Variants in CPEB2 observed in about 807,000 individuals in gnomAD.
CPEB2 encodes cytoplasmic polyadenylation element binding protein 2.
CPEB2 carries 56 observed loss-of-function variants against 93.6 expected under a neutral mutation model. The ratio of observed to expected loss-of-function variants is 0.60; its 90% CI spans 0.48 to 0.75. The LOEUF (loss-of-function observed/expected upper bound fraction) is 0.75, where lower values mean the gene tolerates loss of function less well. Ranked by LOEUF, CPEB2 falls within the 30% of genes least tolerant of loss-of-function variation. The pLI is 0.00. For synonymous variants in CPEB2, 764 were observed against 586.3 expected (o/e 1.30, Z -4.38); for missense variants, 1,579 against 1,395.1 (o/e 1.13, Z -2.10).
intron 4 of CPEB2, among the ~76,000 whole-genome samples, chr4:15,023,170 T>C (rs1724990124): frequency 6.6e-6 from 1 of 152,070 alleles, no homozygotes; most frequent in Non-Finnish European, 1.5e-5. Context: ...ACATCTTTCA[T>C]ATGATTTGAA....
intron 3 of CPEB2, among the ~76,000 whole-genome samples, chr4:15,011,620 G>A (rs932231876): frequency 1.3e-5 from 2 of 152,044 alleles, no homozygotes; most frequent in African/African-American, 4.8e-5. Flanking sequence ...AACATAACAA[G>A]ACACCACCCC....
chr4:15,024,372 C>T (rs966230312), intron 4 of CPEB2, among the ~76,000 whole-genome samples: 13 of 152,004 alleles, frequency 8.6e-5, no homozygotes, highest in Non-Finnish European at 1.8e-4. Context: ...AATGTTTCTA[C>T]CTATATAATA....
chr4:15,003,985 A>T lies in CPEB2; in HGVS notation c.1312A>T (p.Met438Leu). ...GGGSGGSLSA[M>L]PPPSPDSENG... ...CGGCAGCGGCGGCTCGCTCAGCGCC[A>T]TGCCGCCGCCCAGCCCCGACTCAGA... Residue 438 changes from methionine (M) to leucine (L), a missense_variant, in exon 1 of 12, where the codon ATG becomes TTG. By Grantham distance (15) the Met-to-Leu change is conservative. Coordinates refer to ENST00000538197, the MANE Select transcript of CPEB2 (RefSeq NM_001177382.2). 1 of 1,474,270 alleles carries T rather than the reference A, an allele frequency of 6.8e-7. No homozygotes were observed. Among genetic ancestry groups the T allele is most frequent in the Non-Finnish European group, 9.0e-7 (1 of 1,111,066 alleles). The allele number at this position is 1,474,270 out of a possible 1,614,324, so 91.3% of individuals were successfully genotyped here.
At chr4:15,052,666 A>G (rs1728341085) in intron 7 of CPEB2, 82 bp downstream of exon 7, 6 of 916,194 alleles carry the variant, frequency 6.5e-6, no homozygotes, top group South Asian at 6.9e-5. Context: ...TGAATGGACT[A>G]TGAAAGTTTT....
intron 4 of CPEB2, among the ~76,000 whole-genome samples, chr4:15,018,937 TA>T (rs1724492884): frequency 3.8e-4 from 4 of 10,476 alleles, no homozygotes; most frequent in East Asian, 0.062. Context: ...AGGGGAATTT[TA>T]TATATATATA....
intron 5 of CPEB2, 59 bp downstream of exon 5, chr4:15,033,270 C>T (rs1014292319): frequency 2.8e-6 from 3 of 1,086,530 alleles, no homozygotes; most frequent in East Asian, 2.4e-5. Flanking sequence ...TGATTTAATA[C>T]ATGTTTCTCT....
intron 5 of CPEB2, among the ~76,000 whole-genome samples, 164 bp downstream of exon 5, chr4:15,033,375 T>C (rs1395425316): frequency 6.6e-6 from 1 of 152,214 alleles, no homozygotes; most frequent in Non-Finnish European, 1.5e-5. Flanking sequence ...AATCTGAGTG[T>C]GTTCGGGCTG....
rs370519953 is a variant in CPEB2 at position 15,066,140 on chromosome 4, C to A, written c.2878-13C>A. ...GCAGACCCTAATGAGACTTAACTTT[C>A]TTTTTTTTCAAGGTGGAGGTAAAGC... is the stretch of plus-strand genomic sequence containing the variant. On this transcript the variant is annotated splice_polypyrimidine_tract_variant and intron_variant, in intron 11 of 11. Transcript: ENST00000538197. The A allele has an allele frequency of 5.2e-5, 84 of 1,602,940 alleles. No homozygotes were observed. The East Asian group carries it at 9.4e-4, about 18-fold the overall frequency.
In CPEB2 at chr4:15,052,592, TTAAGA is replaced by T. The variant is rs777792601; in HGVS notation, c.2371+11_2371+15del. On this transcript the variant is annotated intron_variant, in intron 7 of 11. Coordinates refer to ENST00000538197, the MANE Select transcript of CPEB2 (RefSeq NM_001177382.2). ...CTCCAGATATTGATGAAGGTATTTA[TTAAGA>T]TATTTATTAACATGGTGATTTGGGC... The T allele has an allele frequency of 2.7e-6, 4 of 1,479,758 alleles. No individual in the cohort carries two copies. The highest frequency in any genetic ancestry group is 1.8e-4 in the Middle Eastern group (1 of 5,538). 91.7% of individuals were successfully genotyped at this position (1,479,758 alleles called of 1,614,324 possible).
At position 15,013,581 on chromosome 4, in the gene CPEB2, G is replaced by A. The variant is rs1723759016; in HGVS notation, c.2035-3607G>A. On this transcript the variant is annotated intron_variant, in intron 3 of 11. Transcript: ENST00000538197. ...CTGTATTTCAGAAGAATGCATGAGTGTTTGTTTTATAACCAGATTTGTTTC... is the reference window on the plus strand; with the variant it reads ...CTGTATTTCAGAAGAATGCATGAGTATTTGTTTTATAACCAGATTTGTTTC... Among the ~76,000 whole-genome samples the A allele has an allele frequency of 2.6e-5, 4 of 152,064 alleles. No homozygotes were observed. The South Asian group carries it at 8.3e-4, about 31-fold the overall frequency.
chr4:15,027,097 A>G (rs1725563667), intron 4 of CPEB2, among the ~76,000 whole-genome samples: 1 of 152,168 alleles, frequency 6.6e-6, no homozygotes, highest in South Asian at 2.1e-4. Context: ...ATATGATAAT[A>G]TATTATCTTA....
chr4:15,016,077 A>C (rs184800145), intron 3 of CPEB2, among the ~76,000 whole-genome samples: 39 of 152,148 alleles, frequency 2.6e-4, no homozygotes, highest in Non-Finnish European at 4.0e-4. Context: ...TAATGGACCC[A>C]GGTTAATAAG....
intron 1 of CPEB2, 134 bp from the exon 2 acceptor site, chr4:15,007,171 T>C (rs1466887884): frequency 1.0e-5 from 7 of 689,020 alleles, no homozygotes; most frequent in African/African-American, 1.8e-5. Context: ...CTGTTACTTT[T>C]ATAACCTAGA....
intron 4 of CPEB2, among the ~76,000 whole-genome samples, chr4:15,030,467 A>C (rs1354179805): frequency 1.3e-5 from 2 of 152,136 alleles, no homozygotes; most frequent in Non-Finnish European, 2.9e-5. Flanking sequence ...CTTAGGATTA[A>C]GTAATTGGTT....
chr4:15,014,963 T>C (rs1004384052), intron 3 of CPEB2, among the ~76,000 whole-genome samples: 1 of 152,118 alleles, frequency 6.6e-6, no homozygotes, highest in Non-Finnish European at 1.5e-5. Flanking sequence ...TTAGAGTATT[T>C]TGAGTCTTTT....
Position 15,004,133 on chromosome 4 carries a change from G to GGGGGGGGGGGGGGGGGGC in CPEB2, c.1460_1461insGGGGGGGGGGGGGGGGGC (p.Gly487_Phe488insGlyGlyGlyGlyGlyAla). ...CCGACGAGCGGCGGCGGCGGCGGCG[G>GGGGGGGGGGGGGGGGGGC]CTTCGGCGGCCCCTTCTCGGCTACC... On this transcript the variant is annotated inframe_insertion, in exon 1 of 12. Transcript: ENST00000538197. 6.7e-7 allele frequency: 1 copy of GGGGGGGGGGGGGGGGGGC among 1,499,486 alleles called. No homozygotes were observed. The highest frequency in any genetic ancestry group is 8.9e-7 in the Non-Finnish European group (1 of 1,124,320). The allele number at this position is 1,499,486 out of a possible 1,614,324, so 92.9% of individuals were successfully genotyped here.
At chr4:15,022,381 C>G (rs898884286) in intron 4 of CPEB2, among the ~76,000 whole-genome samples, 1 of 152,130 alleles carries the variant, frequency 6.6e-6, no homozygotes, top group African/African-American at 2.4e-5. Flanking sequence ...GTGCATTTCT[C>G]AAAACTGAGT....
chr4:15,004,320 C>T lies in CPEB2; in HGVS notation c.1647C>T (p.Ser549=), dbSNP rs748706364. 1.4e-5 allele frequency: 21 copies of T among 1,482,760 alleles called. No homozygotes were observed. Among genetic ancestry groups the T allele is most frequent in the African/African-American group, 1.0e-4 (7 of 68,014 alleles). The allele number at this position is 1,482,760 out of a possible 1,614,324, so 91.9% of individuals were successfully genotyped here. A position where few individuals can be genotyped will look rare whatever the true frequency, so the allele number is the denominator to read the frequency against. ...AAAAFLQQRN[S]YNHHQPLLKQ... ...CCGCCTTCCTGCAGCAGAGGAACTC[C>T]TATAACCACCACCAGGTACGGCGGG... The change falls in exon 1 of 12, where the codon TCC becomes TCT. Residue 549 remains serine (S), a synonymous_variant. Transcript: ENST00000538197.
At chr4:15,035,265 A>G (rs966773122) in intron 5 of CPEB2, among the ~76,000 whole-genome samples, 6 of 151,956 alleles carry the variant, frequency 3.9e-5, no homozygotes, top group African/African-American at 1.5e-4. Context: ...GCTAACATAG[A>G]TTCTGGAGCC....
Sources: gnomAD v4.1 joint callset for allele counts (sites outside exome capture counted in the v4.1 genomes callset) on GRCh38, gnomAD v4.1.1 for gene constraint, MANE v1.5 for transcripts, NCBI Gene and HGNC (gene_info 2026-07-23, HGNC 2026-07-21) for gene names.